LRP1B: variants seen among roughly 807,000 people sequenced by gnomAD.
LRP1B encodes LDL receptor related protein 1B, also known as low-density lipoprotein receptor-related protein 1B.
In LRP1B, 217 loss-of-function variants were observed where a neutral mutation model predicts 556.6. The ratio of observed to expected loss-of-function variants is 0.39; its 90% CI spans 0.35 to 0.44. The LOEUF (loss-of-function observed/expected upper bound fraction) is 0.44, where lower values mean the gene tolerates loss of function less well. LRP1B is among the 20% of genes least tolerant of loss of function. The pLI is 1.00. For synonymous variants in LRP1B, 2,047 were observed against 1,865.8 expected (o/e 1.10, Z -2.50); for missense variants, 5,053 against 5,620.8 (o/e 0.90, Z 3.23).
chr2:141,119,645 C>A, intron 7 of LRP1B, among the ~76,000 whole-genome samples: 1 of 151,414 alleles, frequency 6.6e-6, no homozygotes. Context: ...AGCACTAAAT[C>A]AAAAATAACT....
intron 7 of LRP1B, among the ~76,000 whole-genome samples, chr2:141,080,496 T>C (rs549511983): frequency 6.6e-6 from 1 of 152,352 alleles, no homozygotes; most frequent in Admixed American, 6.5e-5. Context: ...CTGATTAACC[T>C]TGACATTACG....
At chr2:141,283,160 A>G (rs962075849) in intron 3 of LRP1B, among the ~76,000 whole-genome samples, 1 of 152,170 alleles carries the variant, frequency 6.6e-6, no homozygotes. Context: ...AAGTAATTAC[A>G]ATATAAAATG....
At chr2:140,516,717 T>C (rs958815132) in intron 50 of LRP1B, among the ~76,000 whole-genome samples, 172 bp downstream of exon 50, 1 of 152,140 alleles carries the variant, frequency 6.6e-6, no homozygotes, top group Non-Finnish European at 1.5e-5. Flanking sequence ...GTCTTCATTA[T>C]AAGCTCTTCT....
intron 2 of LRP1B, among the ~76,000 whole-genome samples, chr2:141,791,191 A>T (rs1411904305): frequency 6.6e-6 from 1 of 152,068 alleles, no homozygotes; most frequent in East Asian, 1.9e-4. Flanking sequence ...AAAAACTTAC[A>T]TGAAAAATAG....
At position 141,188,414 on chromosome 2, in the gene LRP1B, T is replaced by G; in HGVS notation, c.1013+7A>C. The G allele has an allele frequency of 3.1e-6, 5 of 1,609,822 alleles. No individual in the cohort carries two copies. The highest frequency in any genetic ancestry group is 3.4e-6 in the Non-Finnish European group (4 of 1,178,212). On this transcript the variant is annotated splice_region_variant and intron_variant, in intron 7 of 90. Coordinates refer to ENST00000389484, the MANE Select transcript of LRP1B (RefSeq NM_018557.3). ...TTTTAGACCAAACACTATAAAGAAT[T>G]TCTTACCCTGCTATTGGATCTACTG... is the stretch of plus-strand genomic sequence containing the variant.
intron 43 of LRP1B, among the ~76,000 whole-genome samples, chr2:140,557,279 CA>C (rs1233119366): frequency 1.3e-5 from 2 of 152,006 alleles, no homozygotes; most frequent in African/African-American, 4.8e-5. Flanking sequence ...TTTAGACTTG[CA>C]AAAAATTTTG....
At chr2:140,985,198 C>T (rs1696883213) in intron 17 of LRP1B, among the ~76,000 whole-genome samples, 1 of 152,050 alleles carries the variant, frequency 6.6e-6, no homozygotes, top group Non-Finnish European at 1.5e-5. Context: ...ACCAACCATA[C>T]AGCCAAGAGG....
chr2:141,316,668 A>G (rs1006259658), intron 3 of LRP1B, among the ~76,000 whole-genome samples: 2 of 152,218 alleles, frequency 1.3e-5, no homozygotes, highest in African/African-American at 4.8e-5. Flanking sequence ...GGGTACATAA[A>G]GAAAGAGAGG....
intron 7 of LRP1B, among the ~76,000 whole-genome samples, chr2:141,092,959 T>C (rs760480355): frequency 1.3e-5 from 2 of 151,972 alleles, no homozygotes; most frequent in Non-Finnish European, 2.9e-5. Flanking sequence ...TGAGTATAGA[T>C]AGTCTGTGTA....
intron 7 of LRP1B, among the ~76,000 whole-genome samples, chr2:141,184,461 C>T (rs1681149733): frequency 6.6e-6 from 1 of 151,890 alleles, no homozygotes; most frequent in Admixed American, 6.6e-5. Flanking sequence ...AAGGAGCTTC[C>T]ATATCTCTGA....
intron 84 of LRP1B, among the ~76,000 whole-genome samples, chr2:140,288,114 C>A (rs897366734): frequency 6.7e-6 from 1 of 148,418 alleles, no homozygotes; most frequent in South Asian, 2.1e-4. Context: ...CATCTTTATA[C>A]CCTTGGACTC....
chr2:141,195,030 CCTTTT>C (rs1337344286), intron 6 of LRP1B, among the ~76,000 whole-genome samples: 3 of 152,188 alleles, frequency 2.0e-5, no homozygotes, highest in South Asian at 2.1e-4. Flanking sequence ...TGATACTCCT[CCTTTT>C]AAGAGATGAA....
rs537058578 is a variant in LRP1B, at chr2:141,709,374, T to G, written c.205+100905A>C. ...AAAAAATAAAAGAAAATAAATAAAATAAAATAAAATAAAATAAAATAACCC... is the reference window on the plus strand; with the variant it reads ...AAAAAATAAAAGAAAATAAATAAAAGAAAATAAAATAAAATAAAATAACCC... On this transcript the variant is annotated intron_variant, in intron 2 of 90. Coordinates refer to ENST00000389484, the MANE Select transcript of LRP1B (RefSeq NM_018557.3). 8.0e-5 allele frequency among the ~76,000 whole-genome samples: 12 copies of G among 149,552 alleles called. No homozygotes were observed. In the South Asian group the frequency reaches 1.5e-3, roughly 19 times the overall value.
At position 141,919,655 on chromosome 2, in the gene LRP1B, A is replaced by G. The variant is rs954985037; in HGVS notation, c.83-109254T>C. ...AGTGTTCTCACAGCAATATTTTTTAATTAGGCATGACAGCATTAATAATGC... is the reference window on the plus strand; with the variant it reads ...AGTGTTCTCACAGCAATATTTTTTAGTTAGGCATGACAGCATTAATAATGC... On this transcript the variant is annotated intron_variant, in intron 1 of 90. Transcript: ENST00000389484. 1.3e-5 allele frequency among the ~76,000 whole-genome samples: 2 copies of G among 152,204 alleles called. 1 individual carries two copies. The highest frequency in any genetic ancestry group is 1.3e-4 in the Admixed American group (2 of 15,276).
At chr2:141,152,665 A>T (rs1392394418) in intron 7 of LRP1B, among the ~76,000 whole-genome samples, 1 of 151,948 alleles carries the variant, frequency 6.6e-6, no homozygotes, top group East Asian at 1.9e-4. Context: ...AAAGAATAAT[A>T]TATGGTATTA....
chr2:140,813,772 A>G lies in LRP1B; in HGVS notation c.5244T>C (p.Tyr1748=), dbSNP rs376425069. ...TGGTTCCATTCCCTGAACTGATCCA[A>G]TAAAGCTTGTTTTCCACATAGTCTA... The part of the protein sequence containing the change: ...LSIDYVENKL[Y]WISSGNGTIN... The change falls in exon 32 of 91, where the codon TAT becomes TAC. Residue 1748 remains tyrosine (Y), a synonymous_variant. Coordinates refer to ENST00000389484, the MANE Select transcript of LRP1B (RefSeq NM_018557.3). 23 of 1,609,538 alleles carry G rather than the reference A, an allele frequency of 1.4e-5. No individual in the cohort carries two copies. Among genetic ancestry groups the G allele is most frequent in the Non-Finnish European group, 1.9e-5 (22 of 1,176,258 alleles).
intron 1 of LRP1B, among the ~76,000 whole-genome samples, chr2:142,070,244 T>C (rs1215626266): frequency 6.6e-6 from 1 of 151,778 alleles, no homozygotes; most frequent in East Asian, 1.9e-4. Context: ...GAGGAACTAA[T>C]ATTTATTGGG....
chr2:140,340,816 G>A (rs1210423207), intron 77 of LRP1B, among the ~76,000 whole-genome samples: 1 of 151,382 alleles, frequency 6.6e-6, no homozygotes, highest in Non-Finnish European at 1.5e-5. Context: ...ACTACCTGCT[G>A]CACCCTCATT....
intron 7 of LRP1B, among the ~76,000 whole-genome samples, chr2:141,185,695 AAC>A: frequency 6.8e-5 from 10 of 146,438 alleles, no homozygotes; most frequent in African/African-American, 2.3e-4. Context: ...AACAAAAAAA[AAC>A]AAAAAAAAAA....
Sources: gnomAD v4.1 joint callset for allele counts (sites outside exome capture counted in the v4.1 genomes callset) on GRCh38, gnomAD v4.1.1 for gene constraint, MANE v1.5 for transcripts, NCBI Gene and HGNC (gene_info 2026-07-23, HGNC 2026-07-21) for gene names.